RIPK1: variants seen among roughly 807,000 people sequenced by gnomAD.
The protein encoded by RIPK1 is receptor-interacting serine/threonine-protein kinase 1.
Under a neutral mutation model 62.4 loss-of-function variants are expected in RIPK1, and 27 were observed. That is an observed-to-expected ratio of 0.43 (90% CI 0.32 to 0.60). The LOEUF (loss-of-function observed/expected upper bound fraction) is 0.60, where lower values mean the gene tolerates loss of function less well. Among genes scored for constraint, RIPK1 ranks in the 20% least tolerant of loss-of-function variants. The probability of loss-of-function intolerance (pLI) is 0.07; values close to 1 mark genes in which losing one functional copy is unlikely to be tolerated. For synonymous variants in RIPK1, 287 were observed against 303.2 expected, an observed-to-expected ratio of 0.95 and a Z score of 0.55; for missense variants, 735 against 831.0, an observed-to-expected ratio of 0.88 and a Z score of 1.42.
intron 8 of RIPK1, among the ~76,000 whole-genome samples, chr6:3,104,745 G>T (rs1363191485): frequency 6.6e-6 from 1 of 152,172 alleles, no homozygotes; most frequent in Admixed American, 6.5e-5. Context: ...CTGATCTGTG[G>T]CTAATTACTT....
chr6:3,081,750 C>G (rs1376521749), intron 4 of RIPK1, among the ~76,000 whole-genome samples: 1 of 151,542 alleles, frequency 6.6e-6, no homozygotes, highest in East Asian at 1.9e-4. Context: ...ATTCCAGCTA[C>G]TCGGGAGGCT....
chr6:3,087,093 G>A (rs1266897620), intron 6 of RIPK1, among the ~76,000 whole-genome samples: 4 of 152,132 alleles, frequency 2.6e-5, no homozygotes, highest in Admixed American at 1.3e-4. Flanking sequence ...TCTGAACTCT[G>A]TCATTCTAAA....
At chr6:3,098,439 A>T (rs984892910) in intron 7 of RIPK1, among the ~76,000 whole-genome samples, 2 of 152,258 alleles carry the variant, frequency 1.3e-5, no homozygotes, top group Non-Finnish European at 2.9e-5. Context: ...GTGTCTAAAC[A>T]TTGGCAAATA....
chr6:3,068,898 G>A (rs142899418), intron 1 of RIPK1: 2,656 of 163,040 alleles, frequency 0.016, 39 homozygotes, highest in South Asian at 0.063. Flanking sequence ...GCGGCCGCGG[G>A]CTTCCCGGAA....
At chr6:3,066,388 G>A (rs570834464), upstream of RIPK1, among the ~76,000 whole-genome samples, 10 of 152,232 alleles carry the variant, frequency 6.6e-5, no homozygotes, top group South Asian at 1.2e-3. Context: ...CAGGTGCTCA[G>A]TAAATATTTA....
intron 10 of RIPK1, among the ~76,000 whole-genome samples, chr6:3,112,011 A>AT (rs1331932430): frequency 5.3e-5 from 8 of 152,074 alleles, no homozygotes; most frequent in African/African-American, 1.4e-4. Context: ...GGATTAAGGA[A>AT]TTTTTTTTGT....
At chr6:3,094,010 CTGCAGCG>C (rs1238758316) in intron 7 of RIPK1, among the ~76,000 whole-genome samples, 2 of 134,604 alleles carry the variant, frequency 1.5e-5, no homozygotes, top group African/African-American at 6.2e-5. Context: ...CACCTAGTAA[CTGCAGCG>C]CGCCTACCTG....
At chr6:3,108,375 T>C (rs1475028776) in intron 9 of RIPK1, among the ~76,000 whole-genome samples, 1 of 152,212 alleles carries the variant, frequency 6.6e-6, no homozygotes, top group African/African-American at 2.4e-5. Context: ...TTTCTAGTAT[T>C]GCATTCGTTT....
intron 1 of RIPK1, among the ~76,000 whole-genome samples, chr6:3,071,112 A>T (rs1277680501): frequency 6.6e-6 from 1 of 152,222 alleles, no homozygotes; most frequent in Non-Finnish European, 1.5e-5. Context: ...TTATCCAGGC[A>T]AAGCATCAGG....
chr6:3,095,128 A>C (rs1206413667), intron 7 of RIPK1, among the ~76,000 whole-genome samples: 2 of 152,206 alleles, frequency 1.3e-5, no homozygotes, highest in Non-Finnish European at 2.9e-5. Flanking sequence ...AGGAGGAATC[A>C]CTATAGGTCC....
chr6:3,071,755 A>G (rs1196322025), intron 1 of RIPK1, among the ~76,000 whole-genome samples: 4 of 152,242 alleles, frequency 2.6e-5, no homozygotes, highest in Non-Finnish European at 5.9e-5. Flanking sequence ...GACTTGGGTC[A>G]GGAGCTAAGC....
chr6:3,097,488 G>A (rs1345216579), intron 7 of RIPK1, among the ~76,000 whole-genome samples: 1 of 152,204 alleles, frequency 6.6e-6, no homozygotes, highest in Non-Finnish European at 1.5e-5. Context: ...AGAGCAGTGG[G>A]GAAGTGACAG....
In RIPK1 at chr6:3,072,244, A is replaced by G. The variant is rs1038396939; in HGVS notation, c.-61+3583A>G. ...AAAAATAATTTTAATTTTACATTTA[A>G]TTCATGTCTATTGTGGAAAATTTGG... On this transcript the variant is annotated intron_variant, in intron 1 of 10. Transcript: ENST00000259808. This position sits in a 1 kb window ranked among gnomAD's most constrained non-coding sequence, Gnocchi z 5.6. Among the ~76,000 whole-genome samples, 2 of 152,212 alleles carry G rather than the reference A, an allele frequency of 1.3e-5. No individual in the cohort carries two copies. The highest frequency in any genetic ancestry group is 4.8e-5 in the African/African-American group (2 of 41,442).
chr6:3,096,940 G>A (rs1304562987), intron 7 of RIPK1, among the ~76,000 whole-genome samples: 2 of 151,786 alleles, frequency 1.3e-5, no homozygotes, highest in Admixed American at 6.6e-5. Context: ...GCGCAATCTC[G>A]GCTCACTGAA....
chr6:3,107,319 G>A (rs1294780267), intron 9 of RIPK1, among the ~76,000 whole-genome samples: 10 of 150,886 alleles, frequency 6.6e-5, no homozygotes, highest in Middle Eastern at 6.8e-3. Flanking sequence ...CACTTTGGGA[G>A]GCCGAGGTGG....
At position 3,080,996 on chromosome 6, in the gene RIPK1, T is replaced by C; in HGVS notation, c.339T>C (p.Ser113=). 1.2e-6 allele frequency: 2 copies of C among 1,614,040 alleles called. No individual in the cohort carries two copies. The highest frequency in any genetic ancestry group is 1.7e-6 in the Non-Finnish European group (2 of 1,179,912). The change falls in exon 4 of 11, where the codon TCT becomes TCC. Residue 113 remains serine (S), a synonymous_variant. Transcript: ENST00000259808. Reference sequence around the variant, plus strand: ...TGTTTTAGATGAGTACTCCGCTTTCTGTAAAAGGAAGGATAATTTTGGAAA... The same window carrying C: ...TGTTTTAGATGAGTACTCCGCTTTCCGTAAAAGGAAGGATAATTTTGGAAA... ...VLKAEMSTPL[S]VKGRIILEII...
chr6:3,088,190 AAG>A (rs1759827814), intron 6 of RIPK1, among the ~76,000 whole-genome samples: 1 of 152,132 alleles, frequency 6.6e-6, no homozygotes, highest in Admixed American at 6.5e-5. Flanking sequence ...CTGACAAGGG[AAG>A]AGTGGTGGCC....
intron 3 of RIPK1, among the ~76,000 whole-genome samples, chr6:3,078,992 A>C (rs1324569814): frequency 6.6e-6 from 1 of 151,940 alleles, no homozygotes; most frequent in African/African-American, 2.4e-5. Context: ...AGTGCACTGC[A>C]GGCTTGAACT....
At chr6:3,088,442 T>C (rs1225520610) in intron 6 of RIPK1, among the ~76,000 whole-genome samples, 1 of 152,256 alleles carries the variant, frequency 6.6e-6, no homozygotes, top group Non-Finnish European at 1.5e-5. Context: ...GGTGGTCTTG[T>C]TACTGCCATG....
Sources: allele counts gnomAD v4.1 joint callset (sites outside exome capture counted in the v4.1 genomes callset), GRCh38; gene constraint gnomAD v4.1.1; non-coding constraint Gnocchi (gnomAD v3.1); transcripts MANE v1.5; gene names NCBI Gene and HGNC (gene_info 2026-07-23, HGNC 2026-07-21).